SLC24A3: variants seen among roughly 807,000 people sequenced by gnomAD.
The protein encoded by SLC24A3 is sodium/potassium/calcium exchanger 3.
A neutral mutation model predicts 75.8 loss-of-function variants in SLC24A3; 28 were observed. The observed-to-expected ratio is 0.37, with a 90% confidence interval of 0.27 to 0.51. The LOEUF (loss-of-function observed/expected upper bound fraction) is 0.51, where lower values mean the gene tolerates loss of function less well. SLC24A3 is among the 20% of genes least tolerant of loss of function. The pLI is 0.94. For missense variants in SLC24A3, 663 were observed against 847.8 expected (o/e 0.78, Z 2.71); for synonymous variants, 372 against 334.1 (o/e 1.11, Z -1.24).
intron 11 of SLC24A3, among the ~76,000 whole-genome samples, chr20:19,684,838 G>T (rs1351040381): frequency 6.6e-6 from 1 of 152,184 alleles, no homozygotes; most frequent in Non-Finnish European, 1.5e-5. Flanking sequence ...TGCACAGAGT[G>T]TCAAGGAACT....
At chr20:19,462,293 T>C (rs886727684) in intron 2 of SLC24A3, among the ~76,000 whole-genome samples, 1 of 151,646 alleles carries the variant, frequency 6.6e-6, no homozygotes, top group African/African-American at 2.4e-5. Flanking sequence ...TTTTGCTCTC[T>C]CTGTTGCCCA....
At chr20:19,481,958 C>G (rs1322290525) in intron 2 of SLC24A3, among the ~76,000 whole-genome samples, 1 of 152,142 alleles carries the variant, frequency 6.6e-6, no homozygotes, top group Non-Finnish European at 1.5e-5. Context: ...AGACCCATCT[C>G]CCAGACCCAG....
rs193239769 is a variant in SLC24A3 at position 19,579,972 on chromosome 20, T to G, written c.349-28T>G. ...TTCCTGGCTCTGCCTCACTCTAACT[T>G]TAACCCCTTTTATCTCCTCTCTTCC... On this transcript the variant is annotated intron_variant, in intron 3 of 16. Coordinates refer to ENST00000328041, the MANE Select transcript of SLC24A3 (RefSeq NM_020689.4). The G allele has an allele frequency of 1.5e-3, 2,348 of 1,576,770 alleles. 4 individuals are homozygous for G. The highest frequency in any genetic ancestry group is 1.8e-3 in the Non-Finnish European group (2,016 of 1,147,470).
At chr20:19,620,352 G>A (rs2031787960) in intron 6 of SLC24A3, among the ~76,000 whole-genome samples, 2 of 152,166 alleles carry the variant, frequency 1.3e-5, no homozygotes, top group South Asian at 4.1e-4. Flanking sequence ...AAGAGATAAC[G>A]ATTGTATTCA....
rs371857411 is a variant in SLC24A3 at position 19,323,023 on chromosome 20, G to A, written c.271+41936G>A. The stretch of plus-strand genomic sequence containing the variant: ...AGATCGAGACCATCCTGGCTAACAC[G>A]GTGAAACCCCGTCTCTACTAAAAAT... On this transcript the variant is annotated intron_variant, in intron 2 of 16. Coordinates refer to ENST00000328041, the MANE Select transcript of SLC24A3 (RefSeq NM_020689.4). 3.0e-3 allele frequency among the ~76,000 whole-genome samples: 458 copies of A among 151,796 alleles called. 3 individuals carry two copies. The highest frequency in any genetic ancestry group is 1.0e-2 in the African/African-American group (414 of 41,412).
intron 2 of SLC24A3, among the ~76,000 whole-genome samples, chr20:19,322,110 T>G (rs913405135): frequency 6.6e-5 from 10 of 152,294 alleles, no homozygotes; most frequent in African/African-American, 2.4e-4. Flanking sequence ...CTCTGACTGC[T>G]TGGTTATGAA....
chr20:19,392,432 T>G (rs1193215514), intron 2 of SLC24A3, among the ~76,000 whole-genome samples: 2 of 152,142 alleles, frequency 1.3e-5, no homozygotes, highest in Non-Finnish European at 2.9e-5. Flanking sequence ...AGAGAAGACT[T>G]ATGGAGTGAT....
intron 15 of SLC24A3, among the ~76,000 whole-genome samples, chr20:19,713,954 A>C (rs1051500492): frequency 6.6e-6 from 1 of 152,220 alleles, no homozygotes; most frequent in Non-Finnish European, 1.5e-5. Context: ...AGAGGGTTGC[A>C]AACATTTTCT....
intron 2 of SLC24A3, among the ~76,000 whole-genome samples, chr20:19,473,263 C>G (rs1987904833): frequency 6.6e-6 from 1 of 152,164 alleles, no homozygotes; most frequent in South Asian, 2.1e-4. Context: ...AGCACATGTT[C>G]TTTAGAACTC....
intron 2 of SLC24A3, among the ~76,000 whole-genome samples, chr20:19,445,755 G>T (rs1256622341): frequency 1.3e-5 from 2 of 152,120 alleles, no homozygotes; most frequent in African/African-American, 2.4e-5. Flanking sequence ...CCCTTGAGAG[G>T]GGAGGTATAG....
chr20:19,338,888 A>G (rs1427301830), intron 2 of SLC24A3, among the ~76,000 whole-genome samples: 1 of 152,182 alleles, frequency 6.6e-6, no homozygotes, highest in Non-Finnish European at 1.5e-5. Context: ...CCCACCATAT[A>G]TGACGAGTTT....
intron 2 of SLC24A3, among the ~76,000 whole-genome samples, chr20:19,314,271 T>C (rs1984527024): frequency 7.7e-6 from 1 of 129,408 alleles, no homozygotes; most frequent in South Asian, 2.6e-4. Flanking sequence ...TTTTTTGTTT[T>C]TATTTATTTA....
intron 6 of SLC24A3, among the ~76,000 whole-genome samples, chr20:19,627,732 A>G (rs2031881801): frequency 6.6e-6 from 1 of 152,246 alleles, no homozygotes; most frequent in Non-Finnish European, 1.5e-5. Context: ...CCCACCCTTG[A>G]GAAGAATGTT....
intron 2 of SLC24A3, among the ~76,000 whole-genome samples, chr20:19,431,712 G>C (rs1002553632): frequency 1.6e-5 from 2 of 128,402 alleles, no homozygotes; most frequent in African/African-American, 6.4e-5. Context: ...TCAAGAAATA[G>C]ATTCACTTCA....
chr20:19,685,211 G>T lies in SLC24A3; in HGVS notation c.1174G>T (p.Asp392Tyr). The T allele has an allele frequency of 6.2e-7, 1 of 1,614,220 alleles. No homozygotes were observed. Among genetic ancestry groups the T allele is most frequent in the African/African-American group, 1.3e-5 (1 of 75,062 alleles). The change falls in exon 12 of 17, where the codon GAC (aspartate) becomes TAC (tyrosine). Residue 392 changes from aspartate to tyrosine, a missense_variant. This residue lies in a region of SLC24A3 where 510 missense variants were observed against 703.6 expected (regional missense o/e 0.72). Transcript: ENST00000328041. Reference protein sequence around the residue: ...ENGTGPSSAPDRGVNGTRRDD... With the variant: ...ENGTGPSSAPYRGVNGTRRDD... ...TGGGACAGGGCCCAGCAGTGCCCCA[G>T]ACAGGGGCGTGAATGGGACACGGAG...
At chr20:19,612,863 C>G (rs2031689100) in intron 6 of SLC24A3, among the ~76,000 whole-genome samples, 1 of 152,186 alleles carries the variant, frequency 6.6e-6, no homozygotes, top group Non-Finnish European at 1.5e-5. Context: ...CACTTACACC[C>G]TCCACCAGGG....
At chr20:19,548,217 T>C (rs760025888) in intron 3 of SLC24A3, among the ~76,000 whole-genome samples, 4 of 152,210 alleles carry the variant, frequency 2.6e-5, no homozygotes, top group Admixed American at 1.3e-4. Context: ...CCTGGTATTA[T>C]GTATTTGGAT....
chr20:19,487,550 C>T (rs1988147465), intron 2 of SLC24A3, among the ~76,000 whole-genome samples: 1 of 152,162 alleles, frequency 6.6e-6, no homozygotes, highest in East Asian at 1.9e-4. Context: ...ACAAATGACA[C>T]ATCTGTGGTC....
In SLC24A3 at chr20:19,685,321, GGAT is replaced by G. The variant is rs960494787; in HGVS notation, c.1293_1295del (p.Asp431del). 1 of 1,614,070 alleles carries G rather than the reference GGAT, an allele frequency of 6.2e-7. No individual in the cohort carries two copies. Among genetic ancestry groups the G allele is most frequent in the African/African-American group, 1.3e-5 (1 of 74,910 alleles). ...ATGATGAGGAGGAAGAGGAGGACGA[GGAT>G]GATGATGAAGGACCGTACACACCAT... is the stretch of plus-strand genomic sequence containing the variant. On this transcript the variant is annotated inframe_deletion, in exon 12 of 17. Coordinates refer to ENST00000328041, the MANE Select transcript of SLC24A3 (RefSeq NM_020689.4).
Sources: gnomAD v4.1 joint callset for allele counts (sites outside exome capture counted in the v4.1 genomes callset) on GRCh38, gnomAD v4.1.1 for gene constraint, gnomAD v4.1.1 regional missense constraint, MANE v1.5 for transcripts, NCBI Gene and HGNC (gene_info 2026-07-23, HGNC 2026-07-21) for gene names.